The following KAZN variants were observed in gnomAD, a reference collection of about 807,000 sequenced individuals.
KAZN encodes the protein kazrin.
KAZN carries 40 observed loss-of-function variants against 87.4 expected under a neutral mutation model. That is an observed-to-expected ratio of 0.46 (90% CI 0.36 to 0.60). The LOEUF (loss-of-function observed/expected upper bound fraction) is 0.60, where lower values mean the gene tolerates loss of function less well. Among genes scored for constraint, KAZN ranks in the 20% least tolerant of loss-of-function variants. The probability of loss-of-function intolerance (pLI) is 0.00; values close to 1 mark genes in which losing one functional copy is unlikely to be tolerated. For missense variants in KAZN, 898 were observed against 1,073.9 expected, an observed-to-expected ratio of 0.84 and a Z score of 2.29; for synonymous variants, 466 against 458.3, an observed-to-expected ratio of 1.02 and a Z score of -0.22.
At chr1:13,938,659 G>C (rs77721690) in intron 1 of KAZN, among the ~76,000 whole-genome samples, 2,494 of 152,304 alleles carry the variant, frequency 0.016, 64 homozygotes, top group African/African-American at 0.055. Flanking sequence ...GGGATTGGAG[G>C]CCTCACACAG....
intron 1 of KAZN, among the ~76,000 whole-genome samples, chr1:14,879,302 A>G (rs1369108316): frequency 6.6e-6 from 1 of 152,224 alleles, no homozygotes; most frequent in Non-Finnish European, 1.5e-5. Flanking sequence ...ATAAATTAAT[A>G]TAAGTGAAGC....
At chr1:14,285,000 C>G (rs1653127812) in intron 2 of KAZN, among the ~76,000 whole-genome samples, 2 of 152,202 alleles carry the variant, frequency 1.3e-5, no homozygotes, top group Admixed American at 6.5e-5. Context: ...CATGGACGTA[C>G]TTTTCCTCCC....
chr1:14,809,718 A>G (rs1646344356), intron 1 of KAZN, among the ~76,000 whole-genome samples: 1 of 152,210 alleles, frequency 6.6e-6, no homozygotes, highest in Admixed American at 6.5e-5. Context: ...GTATGAAGCC[A>G]GCATGTACAG....
chr1:14,990,513 C>T (rs557744775), intron 2 of KAZN, among the ~76,000 whole-genome samples: 135 of 152,246 alleles, frequency 8.9e-4, no homozygotes, highest in African/African-American at 3.1e-3. Context: ...CATGAGCCAC[C>T]GCACCCAGCC....
chr1:14,541,337 G>A (rs180957854), intron 2 of KAZN, among the ~76,000 whole-genome samples: 2 of 152,168 alleles, frequency 1.3e-5, no homozygotes, highest in African/African-American at 2.4e-5. Flanking sequence ...TTTCTATGAC[G>A]GTGATTTGTG....
At chr1:14,704,690 C>T (rs1210395613) in intron 1 of KAZN, among the ~76,000 whole-genome samples, 1 of 152,204 alleles carries the variant, frequency 6.6e-6, no homozygotes, top group Non-Finnish European at 1.5e-5. Context: ...TTACTCCTCC[C>T]AGATCCTCTT....
chr1:14,211,763 T>C (rs189148462), intron 2 of KAZN, among the ~76,000 whole-genome samples: 6 of 152,218 alleles, frequency 3.9e-5, no homozygotes, highest in Admixed American at 3.9e-4. Flanking sequence ...TCGGGGCTTC[T>C]CTCCTACAAA....
chr1:14,102,597 TC>T (rs1370047000), intron 1 of KAZN, among the ~76,000 whole-genome samples: 1 of 152,142 alleles, frequency 6.6e-6, no homozygotes, highest in Non-Finnish European at 1.5e-5. Context: ...CATTTCACAG[TC>T]CCTTTTTGCA....
At chr1:14,550,628 AT>A (rs1011910558) in intron 2 of KAZN, among the ~76,000 whole-genome samples, 9 of 149,030 alleles carry the variant, frequency 6.0e-5, no homozygotes, top group Non-Finnish European at 8.9e-5. Context: ...GAAATTTTGG[AT>A]TTTTTTTTAA....
At chr1:14,062,065 C>T (rs573282746) in intron 1 of KAZN, among the ~76,000 whole-genome samples, 5 of 152,238 alleles carry the variant, frequency 3.3e-5, no homozygotes, top group African/African-American at 4.8e-5. Context: ...AAGCGTGGTG[C>T]ACCCTGGAGA....
At chr1:14,644,105 G>A (rs1306357844) in intron 1 of KAZN, among the ~76,000 whole-genome samples, 4 of 147,528 alleles carry the variant, frequency 2.7e-5, no homozygotes, top group Middle Eastern at 3.6e-3. Context: ...TCCACCTCTC[G>A]GGTTCAAGCA....
intron 2 of KAZN, among the ~76,000 whole-genome samples, chr1:14,990,276 G>A (rs1043691285): frequency 1.3e-5 from 2 of 152,158 alleles, no homozygotes; most frequent in Admixed American, 6.5e-5. Flanking sequence ...AAGCTGGAGT[G>A]CAGTGGAGCG....
rs1640692317 is a variant in KAZN at position 15,094,131 on chromosome 1, G to C, written c.1223-49G>C. ...CGGGGGTATGGCCTGCCCAGCCCCT[G>C]CCCCCAGCAGCCTCGTCCCCCAGCA... is the stretch of plus-strand genomic sequence containing the variant. On this transcript the variant is annotated intron_variant, in intron 8 of 14. Transcript: ENST00000376030. The surrounding 1 kb of genome is among the most constrained non-coding windows in gnomAD (Gnocchi z 4.5). The C allele has an allele frequency of 6.4e-7, 1 of 1,564,406 alleles. No individual in the cohort carries two copies. The highest frequency in any genetic ancestry group is 1.1e-5 in the South Asian group (1 of 87,554).
intron 1 of KAZN, among the ~76,000 whole-genome samples, chr1:13,990,227 T>C (rs550049009): frequency 6.6e-6 from 1 of 152,278 alleles, no homozygotes; most frequent in South Asian, 2.1e-4. Context: ...TGTACAAGAA[T>C]GTTCATAGCA....
chr1:14,310,507 C>T (rs1040047048), intron 2 of KAZN, among the ~76,000 whole-genome samples: 2 of 152,136 alleles, frequency 1.3e-5, no homozygotes, highest in Non-Finnish European at 2.9e-5. Context: ...ACACACACGC[C>T]CACGCATTGC....
intron 2 of KAZN, among the ~76,000 whole-genome samples, chr1:14,262,182 G>A (rs1369970286): frequency 6.6e-6 from 1 of 152,152 alleles, no homozygotes; most frequent in African/African-American, 2.4e-5. Flanking sequence ...GGGAAGCTGA[G>A]ACAGGAGGAT....
chr1:14,362,710 T>C (rs963849865), intron 2 of KAZN, among the ~76,000 whole-genome samples: 14 of 152,210 alleles, frequency 9.2e-5, no homozygotes, highest in African/African-American at 3.4e-4. Context: ...GTATCCCTAT[T>C]TCTTAGGTGA....
chr1:14,078,663 G>A (rs2101582369), intron 1 of KAZN, among the ~76,000 whole-genome samples: 1 of 152,030 alleles, frequency 6.6e-6, no homozygotes, highest in East Asian at 1.9e-4. Flanking sequence ...GATGGAAGGG[G>A]CAAGGCAGCT....
chr1:14,490,763 A>G (rs1427565518), intron 2 of KAZN, among the ~76,000 whole-genome samples: 1 of 151,810 alleles, frequency 6.6e-6, no homozygotes, highest in Non-Finnish European at 1.5e-5. Flanking sequence ...TTTGCATTCT[A>G]AAAGATTTTT....
Sources: allele counts gnomAD v4.1 joint callset (sites outside exome capture counted in the v4.1 genomes callset), GRCh38; gene constraint gnomAD v4.1.1; non-coding constraint Gnocchi (gnomAD v3.1); transcripts MANE v1.5; gene names NCBI Gene and HGNC (gene_info 2026-07-23, HGNC 2026-07-21).